Variants in TAFA1 observed in about 807,000 individuals in gnomAD.
The protein encoded by TAFA1 is chemokine-like protein TAFA-1.
Under a neutral mutation model 18.5 loss-of-function variants are expected in TAFA1, and 4 were observed. The observed-to-expected ratio is 0.22, with a 90% CI of 0.11 to 0.49. TAFA1 has a LOEUF of 0.49. Among genes scored for constraint, TAFA1 ranks in the 20% least tolerant of loss-of-function variants. TAFA1 has a pLI of 0.98. For synonymous variants in TAFA1, 56 were observed against 55.2 expected (o/e 1.01, Z -0.06); for missense variants, 147 against 169.0 (o/e 0.87, Z 0.72).
intron 3 of TAFA1, among the ~76,000 whole-genome samples, chr3:68,515,387 T>A (rs2072906035): frequency 6.6e-6 from 1 of 152,156 alleles, no homozygotes; most frequent in African/African-American, 2.4e-5. Flanking sequence ...TTTCCAACAG[T>A]GTTTCAGCCA....
At chr3:68,379,503 T>C (rs924358802) in intron 2 of TAFA1, among the ~76,000 whole-genome samples, 1 of 152,200 alleles carries the variant, frequency 6.6e-6, no homozygotes, top group Non-Finnish European at 1.5e-5. Flanking sequence ...TTTAATTAAA[T>C]CTCTTTTGTC....
chr3:68,497,117 C>A (rs936213714), intron 3 of TAFA1, among the ~76,000 whole-genome samples: 5 of 152,100 alleles, frequency 3.3e-5, no homozygotes, highest in Admixed American at 6.5e-5. Flanking sequence ...ATAATACCAC[C>A]TTTTTTCTGA....
intron 2 of TAFA1, among the ~76,000 whole-genome samples, chr3:68,248,250 ATTTG>A (rs1343494370): frequency 2.0e-5 from 3 of 152,182 alleles, no homozygotes; most frequent in African/African-American, 4.8e-5. Flanking sequence ...TTGCATAAAT[ATTTG>A]TTTGTAAAGT....
At chr3:68,034,179 A>T (rs1704996955) in intron 2 of TAFA1, among the ~76,000 whole-genome samples, 1 of 152,212 alleles carries the variant, frequency 6.6e-6, no homozygotes, top group Non-Finnish European at 1.5e-5. Flanking sequence ...CTTGTGAAAG[A>T]AAAAATGACC....
intron 2 of TAFA1, among the ~76,000 whole-genome samples, chr3:68,355,376 C>T (rs1169923337): frequency 6.6e-6 from 1 of 152,014 alleles, no homozygotes; most frequent in African/African-American, 2.4e-5. Context: ...CATGTGACTT[C>T]TGTTCAGTCA....
chr3:68,247,220 T>C (rs1176659663), intron 2 of TAFA1: 2 of 152,196 alleles, frequency 1.3e-5, no homozygotes, highest in Non-Finnish European at 2.9e-5. Flanking sequence ...AGATACTAAC[T>C]AAATCTCTTT....
Position 68,228,004 on chromosome 3 carries a change from G to A in TAFA1, c.119-189276G>A, listed in dbSNP as rs556405362. ...CAGCCCAGGGTGCAACTTGGAGACA[G>A]GTTGACAAGTGCATAAGTAGCTTGT... On this transcript the variant is annotated intron_variant, in intron 2 of 4. Transcript: ENST00000478136. Among the ~76,000 whole-genome samples the A allele has an allele frequency of 5.2e-4, 79 of 152,270 alleles. 1 individual carries two copies. Among genetic ancestry groups the A allele is most frequent in the Non-Finnish European group, 9.3e-4 (63 of 68,014 alleles).
chr3:68,472,090 A>G (rs1170258012), intron 3 of TAFA1, among the ~76,000 whole-genome samples: 1 of 152,110 alleles, frequency 6.6e-6, no homozygotes, highest in African/African-American at 2.4e-5. Flanking sequence ...GGGACCAGTG[A>G]CAGAATGATA....
At chr3:68,299,963 G>A (rs896466673) in intron 2 of TAFA1, among the ~76,000 whole-genome samples, 2 of 152,226 alleles carry the variant, frequency 1.3e-5, no homozygotes, top group African/African-American at 2.4e-5. Context: ...TTTGCTGCAG[G>A]GGCAGAACCC....
chr3:68,325,810 C>T (rs1455540569), intron 2 of TAFA1, among the ~76,000 whole-genome samples: 2 of 152,144 alleles, frequency 1.3e-5, no homozygotes, highest in East Asian at 3.9e-4. Context: ...TGTAAGAATC[C>T]CAGAGGCTCT....
intron 3 of TAFA1, among the ~76,000 whole-genome samples, chr3:68,521,856 G>GTTCTTTTT (rs2073029613): frequency 2.8e-5 from 2 of 70,848 alleles, no homozygotes; most frequent in Non-Finnish European, 4.9e-5. Flanking sequence ...GTTTTTTTCT[G>GTTCTTTTT]TTTTTTTTTT....
intron 2 of TAFA1, among the ~76,000 whole-genome samples, chr3:68,095,953 CG>C (rs948514868): frequency 3.3e-5 from 5 of 152,028 alleles, no homozygotes; most frequent in African/African-American, 1.2e-4. Flanking sequence ...TTCTATGTGT[CG>C]GGAACATTTC....
At chr3:68,342,959 C>G (rs1457398418) in intron 2 of TAFA1, among the ~76,000 whole-genome samples, 10 of 152,076 alleles carry the variant, frequency 6.6e-5, no homozygotes, top group South Asian at 2.1e-4. Context: ...TCTTGTAAGG[C>G]CTTTTCTTAT....
intron 2 of TAFA1, among the ~76,000 whole-genome samples, chr3:68,335,269 G>A (rs2068951985): frequency 6.6e-6 from 1 of 152,164 alleles, no homozygotes; most frequent in Admixed American, 6.5e-5. Context: ...TTAGTAAATG[G>A]AGAGTCAGAG....
intron 2 of TAFA1, among the ~76,000 whole-genome samples, chr3:68,310,499 T>C (rs1410582605): frequency 6.6e-6 from 1 of 152,206 alleles, no homozygotes; most frequent in East Asian, 1.9e-4. Flanking sequence ...CATGACTATA[T>C]TCCTTGGTAA....
chr3:68,063,949 G>T (rs1322445336), intron 2 of TAFA1, among the ~76,000 whole-genome samples: 3 of 152,096 alleles, frequency 2.0e-5, no homozygotes, highest in Non-Finnish European at 4.4e-5. Context: ...TCTTTCCAAA[G>T]ATTTCCTACC....
chr3:68,015,096 A>G (rs1350037723), intron 2 of TAFA1, among the ~76,000 whole-genome samples: 1 of 152,060 alleles, frequency 6.6e-6, no homozygotes, highest in African/African-American at 2.4e-5. Flanking sequence ...GTTTTGACCT[A>G]CTTTAAAAAT....
chr3:68,459,758 T>C (rs909705444), intron 3 of TAFA1, among the ~76,000 whole-genome samples: 4 of 152,168 alleles, frequency 2.6e-5, no homozygotes, highest in African/African-American at 7.2e-5. Flanking sequence ...CTTTAAGATA[T>C]CCCAGTCAAA....
chr3:68,158,276 C>A (rs979082748), intron 2 of TAFA1, among the ~76,000 whole-genome samples: 1 of 152,104 alleles, frequency 6.6e-6, no homozygotes. Flanking sequence ...TGGGTCCAGG[C>A]AGCTAGCTTC....
Sources: allele counts gnomAD v4.1 joint callset (sites outside exome capture counted in the v4.1 genomes callset), GRCh38; gene constraint gnomAD v4.1.1; transcripts MANE v1.5; gene names NCBI Gene and HGNC (gene_info 2026-07-23, HGNC 2026-07-21).